NDUFS4: variants seen among roughly 807,000 people sequenced by gnomAD.
NDUFS4 encodes NADH dehydrogenase [ubiquinone] iron-sulfur protein 4, mitochondrial.
A neutral mutation model predicts 24.3 loss-of-function variants in NDUFS4; 28 were observed. The observed-to-expected ratio is 1.15, with a 90% CI of 0.85 to 1.58. The LOEUF (loss-of-function observed/expected upper bound fraction) is 1.58, where lower values mean the gene tolerates loss of function less well. Ranked by LOEUF, NDUFS4 falls within the 40% of genes most tolerant of loss-of-function variation. The probability of loss-of-function intolerance (pLI) is 0.00; values close to 1 mark genes in which losing one functional copy is unlikely to be tolerated. For missense variants in NDUFS4, 223 were observed against 207.9 expected (o/e 1.07, Z -0.45); for synonymous variants, 93 against 69.7 (o/e 1.34, Z -1.67).
chr5:53,592,243 C>T lies in NDUFS4; in HGVS notation c.99-11209C>T, dbSNP rs115820783. On this transcript the variant is annotated intron_variant, in intron 1 of 4. Coordinates refer to ENST00000296684, the MANE Select transcript of NDUFS4 (RefSeq NM_002495.4). ...CTGGGATTACAGGTGTGAGCCGCTG[C>T]GCCCGGCATTGTTGAGTTTTAAGAG... Among the ~76,000 whole-genome samples, 1,520 of 152,196 alleles carry T rather than the reference C, an allele frequency of 1.0e-2. 26 individuals are homozygous for T. The highest frequency in any genetic ancestry group is 0.034 in the African/African-American group (1,414 of 41,514).
chr5:53,563,776 A>G (rs914922649), intron 1 of NDUFS4, among the ~76,000 whole-genome samples: 1 of 152,190 alleles, frequency 6.6e-6, no homozygotes, highest in Non-Finnish European at 1.5e-5. Flanking sequence ...TGCTGGGATG[A>G]CAGGCGGGAG....
intron 2 of NDUFS4, among the ~76,000 whole-genome samples, chr5:53,639,162 T>G (rs1417020275): frequency 6.6e-6 from 1 of 151,638 alleles, no homozygotes; most frequent in Non-Finnish European, 1.5e-5. Flanking sequence ...TTTATTGCAT[T>G]TTTTTTGTAT....
At position 53,658,566 on chromosome 5, in the gene NDUFS4, C is replaced by T; in HGVS notation, c.366C>T (p.Ser122=). Residue 122 remains serine, a synonymous_variant, in exon 4 of 5, where the codon TCC becomes TCT. Transcript: ENST00000296684. ...MGWASTADPL[S]NMVLTFSTKE... The stretch of plus-strand genomic sequence containing the variant: ...TTTCTTACAGGGCTGATCCCTTATC[C>T]AACATGGTTCTAACCTTCAGTACTA... 6.2e-7 allele frequency: 1 copy of T among 1,613,220 alleles called. No homozygotes were observed. Among genetic ancestry groups the T allele is most frequent in the African/African-American group, 1.3e-5 (1 of 74,980 alleles).
intron 1 of NDUFS4, among the ~76,000 whole-genome samples, chr5:53,566,650 T>A (rs1749036587): frequency 6.6e-6 from 1 of 152,152 alleles, no homozygotes; most frequent in African/African-American, 2.4e-5. Flanking sequence ...GTCCTTGATT[T>A]AAGATGGTGT....
chr5:53,645,205 A>C (rs921655808), intron 2 of NDUFS4, among the ~76,000 whole-genome samples: 1 of 152,164 alleles, frequency 6.6e-6, no homozygotes, highest in African/African-American at 2.4e-5. Context: ...TGCTTCATTA[A>C]TAAGCATATG....
chr5:53,625,452 T>C (rs975872649), intron 2 of NDUFS4, among the ~76,000 whole-genome samples: 3 of 152,196 alleles, frequency 2.0e-5, no homozygotes, highest in Non-Finnish European at 2.9e-5. Context: ...AAAACATTTC[T>C]GCTTCAATCT....
chr5:53,571,331 A>G (rs1749203176), intron 1 of NDUFS4, among the ~76,000 whole-genome samples: 1 of 152,208 alleles, frequency 6.6e-6, no homozygotes, highest in African/African-American at 2.4e-5. Context: ...CAGTTAGCAT[A>G]ATGTTTTCAA....
At chr5:53,591,627 A>G (rs1040638181) in intron 1 of NDUFS4, among the ~76,000 whole-genome samples, 2 of 151,978 alleles carry the variant, frequency 1.3e-5, no homozygotes, top group African/African-American at 2.4e-5. Context: ...TGTTAAAACT[A>G]TGTTTTAGCT....
chr5:53,668,691 C>G (rs2111565893), intron 4 of NDUFS4, among the ~76,000 whole-genome samples: 1 of 151,550 alleles, frequency 6.6e-6, no homozygotes, highest in East Asian at 1.9e-4. Flanking sequence ...GAACTCCTGA[C>G]CTCAGGTGAT....
intron 2 of NDUFS4, among the ~76,000 whole-genome samples, chr5:53,611,164 G>A (rs1327591910): frequency 6.7e-6 from 1 of 149,248 alleles, no homozygotes; most frequent in African/African-American, 2.5e-5. Context: ...ATAGTACTTT[G>A]TGGATGTCAG....
At chr5:53,634,954 C>G (rs569731522) in intron 2 of NDUFS4, among the ~76,000 whole-genome samples, 11 of 151,830 alleles carry the variant, frequency 7.2e-5, no homozygotes, top group Admixed American at 7.2e-4. Context: ...TTTGGGAGGC[C>G]GAGGCGGGTA....
intron 2 of NDUFS4, among the ~76,000 whole-genome samples, chr5:53,616,123 G>T (rs1448510791): frequency 6.6e-6 from 1 of 151,778 alleles, no homozygotes; most frequent in East Asian, 1.9e-4. Flanking sequence ...TTTCATCTAG[G>T]ACAATCTGTA....
At chr5:53,656,733 T>C (rs532163893) in intron 3 of NDUFS4, among the ~76,000 whole-genome samples, 2 of 152,306 alleles carry the variant, frequency 1.3e-5, no homozygotes, top group Non-Finnish European at 2.9e-5. Context: ...GAAAACTGTT[T>C]GAAATTTTTG....
chr5:53,628,134 A>G (rs1369802439), intron 2 of NDUFS4, among the ~76,000 whole-genome samples: 1 of 152,180 alleles, frequency 6.6e-6, no homozygotes, highest in African/African-American at 2.4e-5. Flanking sequence ...ATCTATTGAG[A>G]TAATCATGTG....
intron 1 of NDUFS4, 122 bp from the exon 2 acceptor site, chr5:53,603,325 TCTTTC>T: frequency 1.4e-6 from 1 of 727,436 alleles, no homozygotes; most frequent in Non-Finnish European, 2.2e-6. Context: ...CTCTTCTCTT[TCTTTC>T]CTTTCCTTTT....
At chr5:53,663,994 T>C (rs1435762746) in intron 4 of NDUFS4, among the ~76,000 whole-genome samples, 2 of 152,220 alleles carry the variant, frequency 1.3e-5, no homozygotes, top group African/African-American at 4.8e-5. Context: ...CCATGTGTAG[T>C]GCTTCCTTCA....
chr5:53,647,390 T>A (rs890757975), intron 3 of NDUFS4, among the ~76,000 whole-genome samples: 1 of 152,004 alleles, frequency 6.6e-6, no homozygotes, highest in African/African-American at 2.4e-5. Flanking sequence ...AATTTTTTTT[T>A]ATCTTTTTGT....
rs548571761 is a variant in NDUFS4, at chr5:53,655,724, A to G, written c.351-2827A>G. ...ATAAGTTTTGTTCCAACAGACAGTT[A>G]AATTACTGATAGATCCACCTTGAAC... On this transcript the variant is annotated intron_variant, in intron 3 of 4. Transcript: ENST00000296684. Among the ~76,000 whole-genome samples the G allele has an allele frequency of 1.9e-4, 29 of 152,338 alleles. 1 individual carries two copies. The highest frequency in any genetic ancestry group is 1.9e-3 in the South Asian group (9 of 4,830).
At chr5:53,619,669 T>C (rs1750970029) in intron 2 of NDUFS4, among the ~76,000 whole-genome samples, 1 of 151,986 alleles carries the variant, frequency 6.6e-6, no homozygotes, top group South Asian at 2.1e-4. Flanking sequence ...TCTTGGTGAA[T>C]TTACTTCTTT....
Sources: allele counts gnomAD v4.1 joint callset (sites outside exome capture counted in the v4.1 genomes callset), GRCh38; gene constraint gnomAD v4.1.1; transcripts MANE v1.5; gene names NCBI Gene and HGNC (gene_info 2026-07-23, HGNC 2026-07-21).